Variants in HEMGN observed in about 807,000 individuals in gnomAD.
HEMGN encodes erythroid differentiation-associated gene protein.
HEMGN carries 32 observed loss-of-function variants against 45.7 expected under a neutral mutation model. The observed-to-expected ratio is 0.70, with a 90% CI of 0.53 to 0.94. The LOEUF is 0.94. Ranked by LOEUF, HEMGN falls within the 40% of genes least tolerant of loss-of-function variation. HEMGN has a pLI of 0.00. For synonymous variants in HEMGN, 183 were observed against 178.6 expected (o/e 1.02, Z -0.20); for missense variants, 530 against 564.2 (o/e 0.94, Z 0.61).
rs746726077 is a variant in HEMGN, at chr9:97,927,477, T to C, written c.1362A>G (p.Glu454=). Residue 454 remains glutamate (E), a splice_region_variant and synonymous_variant, in exon 4 of 4, where the codon GAA becomes GAG. Coordinates refer to ENST00000616898, the MANE Select transcript of HEMGN (RefSeq NM_197978.3). Reference sequence around the variant, plus strand: ...GCTCTTCTTTGGGTTTTTCTTTCATTTCTGTAAAATCAAATAAAATAAAAA... The same window carrying C: ...GCTCTTCTTTGGGTTTTTCTTTCATCTCTGTAAAATCAAATAAAATAAAAA... ...DAKDAYTFPQ[E]MKEKPKEEPG... is the part of the protein sequence containing the mutation. 6.3e-7 allele frequency: 1 copy of C among 1,576,466 alleles called. No individual in the cohort carries two copies. Among genetic ancestry groups the C allele is most frequent in the Admixed American group, 1.7e-5 (1 of 59,630 alleles).
At chr9:97,941,013 AG>A (rs1469532306), upstream of HEMGN, among the ~76,000 whole-genome samples, 3 of 152,196 alleles carry the variant, frequency 2.0e-5, no homozygotes, top group Admixed American at 6.6e-5. Flanking sequence ...TGAACAGCAA[AG>A]TCCCTGCCTT....
chr9:97,930,915 AG>A lies in HEMGN; in HGVS notation c.479del (p.Ser160LeufsTer35). 6.2e-7 allele frequency: 1 copy of A among 1,614,224 alleles called. No individual in the cohort carries two copies. The highest frequency in any genetic ancestry group is 2.2e-5 in the East Asian group (1 of 44,890). On this transcript the variant is annotated frameshift_variant, in exon 3 of 4. Transcript: ENST00000616898. LOFTEE classifies it high-confidence loss of function. ...GTTCAGACACATGTTGGCATGTTTC[AG>A]AAGAATGGTTTTGTACTGCTATTTC... is the stretch of plus-strand genomic sequence containing the variant. ...YQEIAVQNHS[S>X]ETCQHVSEPE...
At chr9:97,941,284 G>T (rs984484549), upstream of HEMGN, among the ~76,000 whole-genome samples, 6 of 152,088 alleles carry the variant, frequency 3.9e-5, no homozygotes, top group Admixed American at 6.6e-5. Context: ...CCAGGTATAG[G>T]GGCACCAGCA....
chr9:97,927,575 C>A, intron 3 of HEMGN, 97 bp from the exon 4 acceptor site: 2 of 724,550 alleles, frequency 2.8e-6, no homozygotes, highest in South Asian at 1.7e-5. Flanking sequence ...ACAACATACA[C>A]AACAACAAAC....
At position 97,928,025 on chromosome 9, in the gene HEMGN, A is replaced by T. The variant is rs375607575; in HGVS notation, c.1361-547T>A. On this transcript the variant is annotated intron_variant, in intron 3 of 3. Coordinates refer to ENST00000616898, the MANE Select transcript of HEMGN (RefSeq NM_197978.3). ...CAGCCTTTTGGCTAAGATCAAGTGT[A>T]TTTTTTTTTTTTTTTTTTTGAGCCG... Among the ~76,000 whole-genome samples the T allele has an allele frequency of 3.4e-3, 430 of 127,452 alleles. 3 individuals carry two copies. The highest frequency in any genetic ancestry group is 0.012 in the African/African-American group (401 of 34,406). The allele number at this position is 127,452 out of a possible 152,430, so 83.6% of individuals were successfully genotyped here.
rs1192636573 is a variant in HEMGN at position 97,927,225 on chromosome 9, T to G, written c.*159A>C. ...TTCTAGCATGATATTGTCTATGTGG[T>G]AGAGCCTTAAAAAATGTTATTTCTT... is the stretch of plus-strand genomic sequence containing the variant. On this transcript the variant is annotated 3_prime_UTR_variant, in exon 4 of 4. Coordinates refer to ENST00000616898, the MANE Select transcript of HEMGN (RefSeq NM_197978.3). 7.7e-6 allele frequency: 4 copies of G among 522,610 alleles called. No individual in the cohort carries two copies. Among genetic ancestry groups the G allele is most frequent in the Non-Finnish European group, 1.4e-5 (4 of 294,572 alleles). 32.4% of individuals were successfully genotyped at this position (522,610 alleles called of 1,614,324 possible). A position where few individuals can be genotyped will look rare whatever the true frequency, so the allele number is the denominator to read the frequency against.
At chr9:97,939,035 C>A (rs1827113699), upstream of HEMGN, among the ~76,000 whole-genome samples, 1 of 152,194 alleles carries the variant, frequency 6.6e-6, no homozygotes, top group Non-Finnish European at 1.5e-5. Context: ...GAGCCACAGA[C>A]TACTATGGTT....
At chr9:97,944,393 T>C (rs1334987289) in intron 1 of HEMGN, among the ~76,000 whole-genome samples, 3 of 152,206 alleles carry the variant, frequency 2.0e-5, no homozygotes, top group Admixed American at 6.5e-5. Context: ...TCTCTCACAT[T>C]CAGCTAGATA....
rs1826844889 is a variant in HEMGN at position 97,927,281 on chromosome 9, T to A, written c.*103A>T. On this transcript the variant is annotated 3_prime_UTR_variant, in exon 4 of 4. Coordinates refer to ENST00000616898, the MANE Select transcript of HEMGN (RefSeq NM_197978.3). ...TATGGTCTACAAATAGAAAAAATAA[T>A]ATTAATGAGCATTGTCAAAAGTTTT... is the stretch of plus-strand genomic sequence containing the variant. The A allele has an allele frequency of 4.5e-6, 3 of 663,094 alleles. No individual in the cohort carries two copies. The highest frequency in any genetic ancestry group is 7.9e-6 in the Non-Finnish European group (3 of 378,838). The allele number at this position is 663,094 out of a possible 1,614,324, so 41.1% of individuals were successfully genotyped here. A position where few individuals can be genotyped will look rare whatever the true frequency, so the allele number is the denominator to read the frequency against.
At chr9:97,934,655 C>T (rs1041856005) in intron 2 of HEMGN, among the ~76,000 whole-genome samples, 1 of 151,944 alleles carries the variant, frequency 6.6e-6, no homozygotes, top group African/African-American at 2.4e-5. Flanking sequence ...TACACGTGTT[C>T]CTAAAAAAAC....
intron 3 of HEMGN, 23 bp from the exon 4 acceptor site, chr9:97,927,501 A>C: frequency 1.4e-6 from 2 of 1,462,358 alleles, no homozygotes; most frequent in African/African-American, 1.4e-5. Context: ...ATAAAATAAA[A>C]AATAGATTCA....
chr9:97,934,518 A>G (rs113732419), intron 2 of HEMGN, among the ~76,000 whole-genome samples: 1,998 of 151,186 alleles, frequency 0.013, 38 homozygotes, highest in African/African-American at 0.046. Context: ...GTCTCTGTAG[A>G]TAAGTACTTG....
chr9:97,931,010 G>A lies in HEMGN; in HGVS notation c.385C>T (p.Pro129Ser), dbSNP rs781508998. 1 of 1,613,954 alleles carries A rather than the reference G, an allele frequency of 6.2e-7. No individual in the cohort carries two copies. Among genetic ancestry groups the A allele is most frequent in the African/African-American group, 1.3e-5 (1 of 74,886 alleles). The change falls in exon 3 of 4, where the codon CCT becomes TCT. Residue 129 changes from proline (P) to serine (S), a missense_variant. By Grantham distance (74) the Pro-to-Ser change is moderately conservative. Transcript: ENST00000616898. ...PSVASPQKVV[P>S]EEHFSEICQE... The stretch of plus-strand genomic sequence containing the variant: ...CATATTTCAGAAAAGTGTTCCTCAG[G>A]CACAACTTTTTGCGGGGAGGCTACT...
chr9:97,939,573 A>G (rs1240946073), upstream of HEMGN, among the ~76,000 whole-genome samples: 2 of 152,172 alleles, frequency 1.3e-5, no homozygotes, highest in African/African-American at 4.8e-5. Flanking sequence ...AGAGTTACCT[A>G]TACTTAGTAT....
At chr9:97,933,443 T>C (rs766602640) in intron 2 of HEMGN, among the ~76,000 whole-genome samples, 1 of 152,192 alleles carries the variant, frequency 6.6e-6, no homozygotes, top group Non-Finnish European at 1.5e-5. Flanking sequence ...TGCCCAACAC[T>C]TGTATTTGAT....
chr9:97,930,657 T>C lies in HEMGN; in HGVS notation c.738A>G (p.Thr246=). 6.2e-7 allele frequency: 1 copy of C among 1,614,212 alleles called. No homozygotes were observed. Among genetic ancestry groups the C allele is most frequent in the Non-Finnish European group, 8.5e-7 (1 of 1,180,030 alleles). ...AAVPKILPCP[T]SEDTADLAGC... ...CTGCCAGATCAGCTGTGTCTTCAGA[T>C]GTTGGACAAGGAAGGATTTTGGGTA... The change falls in exon 3 of 4, where the codon ACA becomes ACG. Residue 246 remains threonine, a synonymous_variant. Coordinates refer to ENST00000616898, the MANE Select transcript of HEMGN (RefSeq NM_197978.3).
chr9:97,938,240 C>A, upstream of HEMGN: 1 of 753,732 alleles, frequency 1.3e-6, no homozygotes, highest in Non-Finnish European at 2.3e-6. Flanking sequence ...AAAAACCACA[C>A]ACACAAGTTT....
chr9:97,932,431 A>G (rs1826971743), intron 2 of HEMGN, among the ~76,000 whole-genome samples: 1 of 152,224 alleles, frequency 6.6e-6, no homozygotes, highest in Admixed American at 6.5e-5. Flanking sequence ...GTTCACTTCT[A>G]ATATGAGGCT....
chr9:97,942,813 T>C (rs1242897285), upstream of HEMGN, among the ~76,000 whole-genome samples: 4 of 152,182 alleles, frequency 2.6e-5, no homozygotes, highest in African/African-American at 9.7e-5. Context: ...GCTCAGGCCA[T>C]GTACTGGATA....
Sources: allele counts gnomAD v4.1 joint callset (sites outside exome capture counted in the v4.1 genomes callset), GRCh38; gene constraint gnomAD v4.1.1; transcripts MANE v1.5; gene names NCBI Gene and HGNC (gene_info 2026-07-23, HGNC 2026-07-21).